The following TENM3 variants were observed in gnomAD, a reference collection of about 807,000 sequenced individuals.
TENM3 encodes the protein teneurin transmembrane protein 3, also known as teneurin-3.
Under a neutral mutation model 255.1 loss-of-function variants are expected in TENM3, and 63 were observed. That is an observed-to-expected ratio of 0.25 (90% CI 0.20 to 0.30). TENM3 has a LOEUF of 0.30. Among genes scored for constraint, TENM3 ranks in the 10% least tolerant of loss-of-function variants. TENM3 has a pLI of 1.00. For synonymous variants in TENM3, 1,306 were observed against 1,322.3 expected (o/e 0.99, Z 0.27); for missense variants, 2,929 against 3,461.1 (o/e 0.85, Z 3.86).
chr4:182,771,052 A>G (rs577856249), intron 22 of TENM3, among the ~76,000 whole-genome samples: 3 of 152,284 alleles, frequency 2.0e-5, no homozygotes, highest in Admixed American at 1.3e-4. Flanking sequence ...TTCCCAAAGA[A>G]CCAAAGGCTA....
the TENM3 span, among the ~76,000 whole-genome samples, chr4:181,876,046 G>T: frequency 0.2 from 30,402 of 152,104 alleles, 3,714 homozygotes; most frequent in South Asian, 0.35. Context: ...TATATTTCTG[G>T]CCATGGAGTC....
chr4:182,471,730 G>A (rs1303566124), intron 3 of TENM3, among the ~76,000 whole-genome samples: 1 of 151,922 alleles, frequency 6.6e-6, no homozygotes, highest in Non-Finnish European at 1.5e-5. Context: ...TCATGAAATA[G>A]TGTACTTAAG....
intron 1 of TENM3, 42 bp downstream of exon 1, chr4:182,243,518 C>T (rs973069566): frequency 1.3e-5 from 2 of 152,192 alleles, no homozygotes; most frequent in African/African-American, 4.8e-5. Context: ...GAATTGAGGG[C>T]ACGGATGAGA....
At chr4:182,302,224 C>T (rs1400050598) in intron 1 of TENM3, among the ~76,000 whole-genome samples, 1 of 152,174 alleles carries the variant, frequency 6.6e-6, no homozygotes, top group Non-Finnish European at 1.5e-5. Flanking sequence ...CACGCCCCAC[C>T]CCACCTGTTC....
the TENM3 span, among the ~76,000 whole-genome samples, chr4:181,795,793 A>T: frequency 1.6e-4 from 24 of 152,340 alleles, no homozygotes; most frequent in South Asian, 1.4e-3. Flanking sequence ...AGAGGATATT[A>T]TATGCCATGT....
At chr4:181,759,337 C>A in the TENM3 span, among the ~76,000 whole-genome samples, 10 of 152,006 alleles carry the variant, frequency 6.6e-5, no homozygotes, top group African/African-American at 2.2e-4. Flanking sequence ...AGATGAGAGA[C>A]AAAACCCATC....
chr4:182,120,091 G>GCACA, the TENM3 span, among the ~76,000 whole-genome samples: 7 of 58,320 alleles, frequency 1.2e-4, no homozygotes, highest in African/African-American at 2.6e-4. Context: ...ATGCGTGCGT[G>GCACA]CGCGCACACA....
At chr4:182,300,038 C>T (rs1312038183) in intron 1 of TENM3, among the ~76,000 whole-genome samples, 1 of 151,924 alleles carries the variant, frequency 6.6e-6, no homozygotes, top group Non-Finnish European at 1.5e-5. Flanking sequence ...GCCTCAGCCT[C>T]TAGAGTAGCT....
chr4:181,480,640 TAAATG>T, the TENM3 span, among the ~76,000 whole-genome samples: 2 of 151,820 alleles, frequency 1.3e-5, no homozygotes, highest in African/African-American at 2.4e-5. Context: ...GTTTAAAAGT[TAAATG>T]AAAGCTTTGT....
At chr4:182,730,855 A>G (rs781741172) in intron 15 of TENM3, 23 bp from the exon 16 acceptor site, 2 of 1,611,936 alleles carry the variant, frequency 1.2e-6, no homozygotes, top group East Asian at 2.2e-5. Context: ...ACAATTCACT[A>G]AGCATACCTT....
At chr4:182,517,573 C>T (rs1020053147) in intron 3 of TENM3, among the ~76,000 whole-genome samples, 2 of 140,540 alleles carry the variant, frequency 1.4e-5, no homozygotes, top group African/African-American at 2.7e-5. Flanking sequence ...TTAGTAGAGA[C>T]GGGGTTTCAC....
chr4:181,540,532 A>G, the TENM3 span, among the ~76,000 whole-genome samples: 1 of 152,190 alleles, frequency 6.6e-6, no homozygotes, highest in African/African-American at 2.4e-5. Context: ...CACAGCGTCC[A>G]GCAGGCCATG....
At chr4:181,960,253 G>A in the TENM3 span, among the ~76,000 whole-genome samples, 3 of 152,182 alleles carry the variant, frequency 2.0e-5, no homozygotes, top group Non-Finnish European at 2.9e-5. Context: ...TTCCTAAAAT[G>A]TTCCTGTTGA....
At chr4:182,627,805 C>G (rs1017226547) in intron 4 of TENM3, among the ~76,000 whole-genome samples, 1 of 151,968 alleles carries the variant, frequency 6.6e-6, no homozygotes, top group Non-Finnish European at 1.5e-5. Context: ...TTACAGTGCT[C>G]TTGTCATGTG....
chr4:181,835,227 C>T, the TENM3 span: 1 of 152,322 alleles, frequency 6.6e-6, no homozygotes, highest in Non-Finnish European at 1.5e-5. Context: ...TGAGTATTCA[C>T]TCCCATATGG....
At chr4:181,490,688 A>G in the TENM3 span, among the ~76,000 whole-genome samples, 4 of 152,218 alleles carry the variant, frequency 2.6e-5, no homozygotes, top group African/African-American at 7.2e-5. Flanking sequence ...AACACCCTGC[A>G]TATTGGTAAG....
chr4:181,994,941 C>T, the TENM3 span, among the ~76,000 whole-genome samples: 4 of 152,228 alleles, frequency 2.6e-5, no homozygotes, highest in South Asian at 2.1e-4. Context: ...AGAGCGATTA[C>T]GATTCATTGG....
the TENM3 span, among the ~76,000 whole-genome samples, chr4:181,515,311 T>G: frequency 0.76 from 114,893 of 152,068 alleles, 43,606 homozygotes; most frequent in South Asian, 0.82. Flanking sequence ...GGTTGGACTT[T>G]TCATTTCTTG....
chr4:182,396,965 A>G (rs1339913614), intron 3 of TENM3, among the ~76,000 whole-genome samples: 1 of 151,972 alleles, frequency 6.6e-6, no homozygotes, highest in Non-Finnish European at 1.5e-5. Flanking sequence ...CTGTCTCAAA[A>G]TAAAAAAATA....
Sources: allele counts gnomAD v4.1 joint callset (sites outside exome capture counted in the v4.1 genomes callset), GRCh38; gene constraint gnomAD v4.1.1; transcripts MANE v1.5; gene names NCBI Gene and HGNC (gene_info 2026-07-23, HGNC 2026-07-21).